The following CLYBL variants were observed in gnomAD, a reference collection of about 807,000 sequenced individuals.
CLYBL encodes citramalyl-CoA lyase, mitochondrial.
CLYBL carries 31 observed loss-of-function variants against 38.9 expected under a neutral mutation model. The observed-to-expected ratio is 0.80, with a 90% CI of 0.60 to 1.08. The LOEUF (loss-of-function observed/expected upper bound fraction) is 1.08, where lower values mean the gene tolerates loss of function less well. CLYBL is among the 50% of genes least tolerant of loss of function. The probability of loss-of-function intolerance (pLI) is 0.00; values close to 1 mark genes in which losing one functional copy is unlikely to be tolerated. For synonymous variants in CLYBL, 171 were observed against 158.6 expected (o/e 1.08, Z -0.59); for missense variants, 434 against 411.6 (o/e 1.05, Z -0.47).
intron 1 of CLYBL, among the ~76,000 whole-genome samples, chr13:99,736,038 CTTT>C (rs767129851): frequency 1.3e-5 from 1 of 76,196 alleles, no homozygotes; most frequent in Non-Finnish European, 2.4e-5. Context: ...CGTTTCTTTT[CTTT>C]TTTTTTTTTT....
intron 1 of CLYBL, among the ~76,000 whole-genome samples, chr13:99,732,231 G>C (rs61974417): frequency 7.3e-6 from 1 of 137,816 alleles, no homozygotes; most frequent in African/African-American, 2.7e-5. Context: ...ACCTATACTG[G>C]AGTGCAGTGG....
chr13:99,738,075 G>A (rs2048695572), intron 1 of CLYBL, among the ~76,000 whole-genome samples: 1 of 152,152 alleles, frequency 6.6e-6, no homozygotes, highest in Admixed American at 6.5e-5. Flanking sequence ...AGTACTTAAG[G>A]AGCAATGTTC....
intron 2 of CLYBL, among the ~76,000 whole-genome samples, chr13:99,802,517 G>GAGCT (rs1417774095): frequency 6.6e-6 from 1 of 151,966 alleles, no homozygotes; most frequent in Non-Finnish European, 1.5e-5. Context: ...GGAAAGGGGG[G>GAGCT]AGCTATAATG....
chr13:99,824,257 G>GCCCCCCCCCCCCCC (rs57450534), intron 2 of CLYBL, among the ~76,000 whole-genome samples: 55 of 130,482 alleles, frequency 4.2e-4, no homozygotes, highest in Non-Finnish European at 6.1e-4. Flanking sequence ...CTGACTAATA[G>GCCCCCCCCCCCCCC]CCCCCCCCAC....
chr13:99,724,715 C>T (rs1274788459), intron 1 of CLYBL, among the ~76,000 whole-genome samples: 3 of 152,134 alleles, frequency 2.0e-5, no homozygotes, highest in East Asian at 1.9e-4. Context: ...CACACACAGA[C>T]GCAAAGGCCA....
chr13:99,796,106 T>C lies in CLYBL; in HGVS notation c.249+23096T>C, dbSNP rs563160984. Among the ~76,000 whole-genome samples the C allele has an allele frequency of 3.9e-5, 6 of 152,166 alleles. No homozygotes were observed. In the South Asian group the frequency reaches 1.2e-3, roughly 32 times the overall value. ...TAGGTATGAGAGCCCAAATTTGTGG[T>C]CAAGACATAAGAGGATTAGGAAGAA... On this transcript the variant is annotated intron_variant, in intron 2 of 8. Coordinates refer to ENST00000339105, the MANE Select transcript of CLYBL (RefSeq NM_206808.5).
At chr13:99,700,858 C>G (rs571053839) in intron 1 of CLYBL, among the ~76,000 whole-genome samples, 7 of 152,324 alleles carry the variant, frequency 4.6e-5, no homozygotes, top group African/African-American at 1.4e-4. Context: ...TCTCTCTGAA[C>G]ACAGCATGAA....
chr13:99,878,615 A>C (rs978237791), intron 7 of CLYBL, among the ~76,000 whole-genome samples: 1 of 152,228 alleles, frequency 6.6e-6, no homozygotes, highest in Non-Finnish European at 1.5e-5. Flanking sequence ...TGCACGTACA[A>C]TGGGTGGATT....
intron 1 of CLYBL, among the ~76,000 whole-genome samples, chr13:99,674,771 G>A (rs2047619496): frequency 6.6e-6 from 1 of 152,192 alleles, no homozygotes; most frequent in African/African-American, 2.4e-5. Context: ...GATTACCAAG[G>A]AGTATATGTC....
intron 1 of CLYBL, among the ~76,000 whole-genome samples, chr13:99,618,915 T>C (rs948062524): frequency 4.6e-5 from 7 of 152,250 alleles, no homozygotes; most frequent in African/African-American, 1.7e-4. Flanking sequence ...GAATAATCTA[T>C]TGTGTGCCTA....
At chr13:99,619,159 G>C (rs1305237682) in intron 1 of CLYBL, among the ~76,000 whole-genome samples, 1 of 152,188 alleles carries the variant, frequency 6.6e-6, no homozygotes, top group African/African-American at 2.4e-5. Context: ...TTCCCATTGT[G>C]GTGGTATTAA....
chr13:99,711,806 C>T (rs951828908), intron 1 of CLYBL, among the ~76,000 whole-genome samples: 4 of 151,794 alleles, frequency 2.6e-5, no homozygotes, highest in Non-Finnish European at 5.9e-5. Context: ...ACCTTCACCT[C>T]CTGGGTTCAA....
chr13:99,745,819 G>C (rs974478183), intron 1 of CLYBL, among the ~76,000 whole-genome samples: 1 of 151,762 alleles, frequency 6.6e-6, no homozygotes, highest in African/African-American at 2.4e-5. Context: ...TTCAGTGCTA[G>C]AGAGTGATCA....
At chr13:99,608,834 G>C (rs1192392938) in intron 1 of CLYBL, among the ~76,000 whole-genome samples, 3 of 109,602 alleles carry the variant, frequency 2.7e-5, no homozygotes, top group African/African-American at 1.1e-4. Context: ...AGGGTTCTAT[G>C]TAAGTGATGA....
intron 1 of CLYBL, among the ~76,000 whole-genome samples, chr13:99,607,252 TAACA>T (rs1235089159): frequency 1.3e-5 from 2 of 152,166 alleles, no homozygotes; most frequent in Non-Finnish European, 2.9e-5. Context: ...ATTCACTTAA[TAACA>T]AACCCATTAA....
At chr13:99,752,960 G>A (rs1035399004) in intron 1 of CLYBL, among the ~76,000 whole-genome samples, 2 of 152,100 alleles carry the variant, frequency 1.3e-5, no homozygotes, top group African/African-American at 4.8e-5. Flanking sequence ...AAAGGGGAAG[G>A]CCTGTGAAGG....
At chr13:99,648,839 A>G (rs1285153580) in intron 1 of CLYBL, among the ~76,000 whole-genome samples, 2 of 152,058 alleles carry the variant, frequency 1.3e-5, no homozygotes. Context: ...GCTCAGTCTT[A>G]TGTTTTACAT....
At chr13:99,785,573 C>T (rs2049772282) in intron 2 of CLYBL, among the ~76,000 whole-genome samples, 1 of 150,922 alleles carries the variant, frequency 6.6e-6, no homozygotes, top group African/African-American at 2.4e-5. Context: ...TATTCATATG[C>T]CATTTTCTTC....
At chr13:99,725,200 C>T (rs767625673) in intron 1 of CLYBL, among the ~76,000 whole-genome samples, 3 of 152,124 alleles carry the variant, frequency 2.0e-5, no homozygotes, top group Non-Finnish European at 4.4e-5. Context: ...GGAAAGAGCC[C>T]GCTCTCAGGT....
Sources: allele counts gnomAD v4.1 joint callset (sites outside exome capture counted in the v4.1 genomes callset), GRCh38; gene constraint gnomAD v4.1.1; transcripts MANE v1.5; gene names NCBI Gene and HGNC (gene_info 2026-07-23, HGNC 2026-07-21).